Variants in DIP2C observed in about 807,000 individuals in gnomAD.
DIP2C encodes the protein disco-interacting protein 2 homolog C.
In DIP2C, 33 loss-of-function variants were observed where a neutral mutation model predicts 192.4. That is an observed-to-expected ratio of 0.17 (90% confidence interval 0.13 to 0.23). DIP2C has a LOEUF of 0.23. DIP2C is among the 10% of genes least tolerant of loss of function. DIP2C has a pLI of 1.00. For missense variants in DIP2C, 1,537 were observed against 2,110.1 expected (o/e 0.73, Z 5.32); for synonymous variants, 979 against 864.1 (o/e 1.13, Z -2.33).
intron 17 of DIP2C, among the ~76,000 whole-genome samples, chr10:373,154 C>T (rs1195538610): frequency 6.6e-6 from 1 of 152,246 alleles, no homozygotes; most frequent in Non-Finnish European, 1.5e-5. Flanking sequence ...GTGCCCGCCC[C>T]TCCCTGGTCT....
chr10:533,870 G>C (rs1298359825), intron 1 of DIP2C, among the ~76,000 whole-genome samples: 2 of 152,100 alleles, frequency 1.3e-5, no homozygotes, highest in Non-Finnish European at 1.5e-5. Context: ...TTCTAAATGG[G>C]CTGAGAACTG....
intron 1 of DIP2C, among the ~76,000 whole-genome samples, chr10:619,028 A>C (rs984604942): frequency 6.6e-6 from 1 of 152,194 alleles, no homozygotes; most frequent in Admixed American, 6.5e-5. Flanking sequence ...CCTGCTTCCC[A>C]TAAGAAATAA....
intron 1 of DIP2C, among the ~76,000 whole-genome samples, chr10:588,916 T>A (rs1459090622): frequency 1.3e-5 from 2 of 152,194 alleles, no homozygotes; most frequent in Non-Finnish European, 2.9e-5. Context: ...TTCAGTTTTG[T>A]AAGAAACTGC....
At chr10:447,598 G>T (rs1445712626) in intron 3 of DIP2C, among the ~76,000 whole-genome samples, 3 of 146,290 alleles carry the variant, frequency 2.1e-5, no homozygotes, top group African/African-American at 7.9e-5. Context: ...CACACAGTGG[G>T]GCAGCAGGAC....
chr10:311,747 C>T (rs1428770721), intron 31 of DIP2C, among the ~76,000 whole-genome samples: 1 of 152,114 alleles, frequency 6.6e-6, no homozygotes, highest in Non-Finnish European at 1.5e-5. Flanking sequence ...TCAAAAACAA[C>T]ATCAAATATG....
intron 36 of DIP2C, among the ~76,000 whole-genome samples, 180 bp from the exon 37 acceptor site, chr10:277,757 C>A (rs984238843): frequency 1.3e-5 from 2 of 152,088 alleles, no homozygotes; most frequent in African/African-American, 2.4e-5. Context: ...GACTTCCTGG[C>A]GACAGCACCT....
intron 1 of DIP2C, among the ~76,000 whole-genome samples, chr10:558,361 A>C (rs925987872): frequency 4.6e-5 from 7 of 152,218 alleles, no homozygotes; most frequent in African/African-American, 1.7e-4. Context: ...GTGTGTGAAT[A>C]ATTTACCTGG....
intron 31 of DIP2C, among the ~76,000 whole-genome samples, chr10:314,460 C>CA (rs1956691906): frequency 6.6e-6 from 1 of 152,218 alleles, no homozygotes; most frequent in African/African-American, 2.4e-5. Flanking sequence ...ACCGCTAACT[C>CA]ATCTTTCTAA....
chr10:540,593 C>A (rs1847926433), intron 1 of DIP2C, among the ~76,000 whole-genome samples: 1 of 152,166 alleles, frequency 6.6e-6, no homozygotes, highest in South Asian at 2.1e-4. Flanking sequence ...TTTGGTAGAC[C>A]AAGTTTCAAG....
chr10:420,114 T>C (rs1966081329), intron 5 of DIP2C, among the ~76,000 whole-genome samples: 1 of 152,220 alleles, frequency 6.6e-6, no homozygotes, highest in Non-Finnish European at 1.5e-5. Flanking sequence ...GGCGGTACTT[T>C]GTGTCGCTGA....
chr10:635,634 C>A (rs1004845476), intron 1 of DIP2C, among the ~76,000 whole-genome samples: 1 of 152,230 alleles, frequency 6.6e-6, no homozygotes, highest in African/African-American at 2.4e-5. Flanking sequence ...GAGGCCGTGG[C>A]CAGCCCTGGA....
intron 32 of DIP2C, among the ~76,000 whole-genome samples, chr10:298,796 C>T (rs1331621300): frequency 1.3e-5 from 2 of 152,230 alleles, no homozygotes; most frequent in African/African-American, 4.8e-5. Flanking sequence ...CTCCCTGTCA[C>T]TGGGCTGCAC....
chr10:484,320 C>G (rs1358719788), intron 2 of DIP2C, among the ~76,000 whole-genome samples: 1 of 152,198 alleles, frequency 6.6e-6, no homozygotes, highest in Non-Finnish European at 1.5e-5. Flanking sequence ...TGATTAACTG[C>G]TTTTTCTATT....
At chr10:646,175 C>A (rs1020193844) in intron 1 of DIP2C, among the ~76,000 whole-genome samples, 2 of 152,210 alleles carry the variant, frequency 1.3e-5, no homozygotes, top group African/African-American at 2.4e-5. Context: ...TCCACCCAGC[C>A]CCAGCAGGAA....
intron 1 of DIP2C, among the ~76,000 whole-genome samples, chr10:567,577 C>T (rs995159739): frequency 2.0e-5 from 3 of 152,200 alleles, no homozygotes; most frequent in African/African-American, 7.2e-5. Context: ...CTGAATATTT[C>T]TGCCAAACAA....
intron 13 of DIP2C, among the ~76,000 whole-genome samples, chr10:389,099 T>A (rs1963238923): frequency 1.5e-5 from 1 of 65,036 alleles, no homozygotes; most frequent in Non-Finnish European, 2.8e-5. Flanking sequence ...GGGGGTTCTC[T>A]GAGGTCTCAA....
At chr10:293,742 A>C (rs947299819) in intron 32 of DIP2C, among the ~76,000 whole-genome samples, 1 of 152,230 alleles carries the variant, frequency 6.6e-6, no homozygotes, top group African/African-American at 2.4e-5. Flanking sequence ...CAGTGCTTAA[A>C]AATAACAGGC....
chr10:295,804 C>T (rs909294490), intron 32 of DIP2C, among the ~76,000 whole-genome samples: 37 of 151,904 alleles, frequency 2.4e-4, no homozygotes, highest in Middle Eastern at 3.4e-3. Flanking sequence ...GTCAGGAGTT[C>T]GAGACCAGCC....
intron 1 of DIP2C, among the ~76,000 whole-genome samples, chr10:537,074 G>T (rs1847734034): frequency 6.6e-6 from 1 of 152,212 alleles, no homozygotes; most frequent in Non-Finnish European, 1.5e-5. Flanking sequence ...AGCCTGAAGG[G>T]ACTCACCCAG....
Sources: gnomAD v4.1 joint callset for allele counts (sites outside exome capture counted in the v4.1 genomes callset) on GRCh38, gnomAD v4.1.1 for gene constraint, MANE v1.5 for transcripts, NCBI Gene and HGNC (gene_info 2026-07-23, HGNC 2026-07-21) for gene names.